The following LRRN2 variants were observed in gnomAD, a reference collection of about 807,000 sequenced individuals.
The protein encoded by LRRN2 is leucine-rich repeat neuronal protein 2.
In LRRN2, 10 loss-of-function variants were observed where a neutral mutation model predicts 35.7. That is an observed-to-expected ratio of 0.28 (90% CI 0.17 to 0.47). The LOEUF (loss-of-function observed/expected upper bound fraction) is 0.47. Ranked by LOEUF, LRRN2 falls within the 20% of genes least tolerant of loss-of-function variation. The pLI is 0.99. For missense variants in LRRN2, 731 were observed against 940.3 expected (o/e 0.78, Z 2.91); for synonymous variants, 391 against 409.6 (o/e 0.95, Z 0.55).
chr1:204,681,043 G>A (rs1162214135), intron 1 of LRRN2, among the ~76,000 whole-genome samples: 2 of 150,760 alleles, frequency 1.3e-5, no homozygotes, highest in African/African-American at 2.4e-5. Flanking sequence ...TACAATCTCC[G>A]CCACCTGGGT....
At chr1:204,671,975 C>G (rs1253779542) in intron 1 of LRRN2, among the ~76,000 whole-genome samples, 1 of 152,206 alleles carries the variant, frequency 6.6e-6, no homozygotes, top group Non-Finnish European at 1.5e-5. Context: ...TCACTAATCT[C>G]ACCCAGGATG....
Position 204,619,804 on chromosome 1 carries a change from G to T in LRRN2, c.189C>A (p.Val63=), listed in dbSNP as rs199503004. Residue 63 remains valine, a synonymous_variant, in exon 2 of 2, where the codon GTC becomes GTA. Coordinates refer to ENST00000367177, the MANE Select transcript of LRRN2 (RefSeq NM_201630.2). The part of the protein sequence containing the change: ...VDCNDLFLTA[V]PPALPAGTQT... ...GTGTGCCTGCGGGGAGTGCCGGGGG[G>T]ACTGCCGTCAGGAATAGGTCATTGC... 2 of 1,614,070 alleles carry T rather than the reference G, an allele frequency of 1.2e-6. No individual in the cohort carries two copies. The highest frequency in any genetic ancestry group is 2.2e-5 in the East Asian group (1 of 44,876).
chr1:204,630,664 C>T (rs964558366), intron 1 of LRRN2, among the ~76,000 whole-genome samples: 1 of 152,082 alleles, frequency 6.6e-6, no homozygotes, highest in African/African-American at 2.4e-5. Context: ...CCTGTCCGTC[C>T]TGGCCACCTC....
At chr1:204,623,840 T>C (rs1667107088) in intron 1 of LRRN2, among the ~76,000 whole-genome samples, 2 of 152,194 alleles carry the variant, frequency 1.3e-5, no homozygotes, top group African/African-American at 4.8e-5. Flanking sequence ...TAGCAGGTGC[T>C]TGAGAGTTGC....
chr1:204,626,075 G>A (rs12095735), intron 1 of LRRN2, among the ~76,000 whole-genome samples: 1,725 of 152,150 alleles, frequency 0.011, 46 homozygotes, highest in African/African-American at 0.039. Flanking sequence ...AGGAAGGAGG[G>A]GCCCAGACCT....
intron 1 of LRRN2, among the ~76,000 whole-genome samples, chr1:204,637,269 A>G (rs967633222): frequency 1.3e-5 from 2 of 152,262 alleles, no homozygotes; most frequent in African/African-American, 4.8e-5. Flanking sequence ...TGCCGTCCAC[A>G]TGTGAAAGAA....
intron 1 of LRRN2, among the ~76,000 whole-genome samples, chr1:204,652,282 G>A (rs1264017424): frequency 4.4e-4 from 10 of 22,974 alleles, no homozygotes; most frequent in Admixed American, 2.4e-3. Context: ...CCCCCCCGCC[G>A]CCTTCCTCCT....
chr1:204,643,878 C>G (rs1315123424), intron 1 of LRRN2, among the ~76,000 whole-genome samples: 1 of 152,180 alleles, frequency 6.6e-6, no homozygotes, highest in Admixed American at 6.5e-5. Flanking sequence ...GAGTTCAAAT[C>G]CTGCCCTGGC....
intron 1 of LRRN2, among the ~76,000 whole-genome samples, chr1:204,641,283 CT>C (rs1218077311): frequency 6.6e-6 from 1 of 152,178 alleles, no homozygotes; most frequent in African/African-American, 2.4e-5. Flanking sequence ...CTCATCTTTT[CT>C]TTTAAAAATC....
chr1:204,622,940 A>G (rs1667021958), intron 1 of LRRN2, among the ~76,000 whole-genome samples: 1 of 152,208 alleles, frequency 6.6e-6, no homozygotes, highest in Admixed American at 6.5e-5. Flanking sequence ...GCACACAGAA[A>G]GAACTGGACA....
At chr1:204,632,775 C>CA (rs978070303) in intron 1 of LRRN2, among the ~76,000 whole-genome samples, 29 of 150,434 alleles carry the variant, frequency 1.9e-4, no homozygotes, top group Admixed American at 9.9e-4. Context: ...ACTAAAAATA[C>CA]AAAAAAAAAT....
rs1666586069 is a variant in LRRN2, at chr1:204,618,680, C to T, written c.1313G>A (p.Gly438Glu). 1.2e-6 allele frequency: 2 copies of T among 1,600,428 alleles called. No individual in the cohort carries two copies. The highest frequency in any genetic ancestry group is 1.7e-6 in the Non-Finnish European group (2 of 1,172,252). The change falls in exon 2 of 2, where the codon GGA becomes GAA. Residue 438 changes from glycine to glutamate, a missense_variant. This residue lies in a region of LRRN2 where 256 missense variants were observed against 392.4 expected (regional missense o/e 0.65). Transcript: ENST00000367177. ...SFPPSLQVAS[G>E]ESMVLHCRAL... ...CCGGCAATGCAGCACCATGCTCTCT[C>T]CACTGGCTACCTGGAGGCTTGGGGG...
chr1:204,682,637 C>G (rs1668979361), intron 1 of LRRN2, among the ~76,000 whole-genome samples: 1 of 152,214 alleles, frequency 6.6e-6, no homozygotes, highest in Non-Finnish European at 1.5e-5. Flanking sequence ...TAATGTTCCT[C>G]ACATAGACTG....
At chr1:204,638,969 G>T (rs1036848356) in intron 1 of LRRN2, among the ~76,000 whole-genome samples, 1 of 152,202 alleles carries the variant, frequency 6.6e-6, no homozygotes, top group African/African-American at 2.4e-5. Flanking sequence ...CCCTGAGATG[G>T]CCATCGCCTG....
At chr1:204,666,582 G>A (rs1386661827) in intron 1 of LRRN2, among the ~76,000 whole-genome samples, 3 of 152,142 alleles carry the variant, frequency 2.0e-5, no homozygotes, top group Admixed American at 6.5e-5. Context: ...TCCCTATCAT[G>A]TTATACTACA....
At chr1:204,631,256 C>CTATATATATATATATATATATATA (rs1162626713) in intron 1 of LRRN2, among the ~76,000 whole-genome samples, 1 of 36,910 alleles carries the variant, frequency 2.7e-5, no homozygotes, top group African/African-American at 9.6e-5. Context: ...CTAGAGTGTT[C>CTATATATATATATATATATATATA]TATATATATA....
At position 204,618,295 on chromosome 1, in the gene LRRN2, G is replaced by A. The variant is rs1211354703; in HGVS notation, c.1698C>T (p.Gly566=). Residue 566 remains glycine, a synonymous_variant, in exon 2 of 2, where the codon GGC becomes GGT. Coordinates refer to ENST00000367177, the MANE Select transcript of LRRN2 (RefSeq NM_201630.2). ...GGCGGGCCAGAGCTGTGGCCCCCTGGCCCCGGAGGGAGGAGGCACTGGACC... is the reference window on the plus strand; with the variant it reads ...GGCGGGCCAGAGCTGTGGCCCCCTGACCCCGGAGGGAGGAGGCACTGGACC... ...LTWSSASSLR[G]QGATALARLP... 6.3e-7 allele frequency: 1 copy of A among 1,599,140 alleles called. No individual in the cohort carries two copies. Among genetic ancestry groups the A allele is most frequent in the African/African-American group, 1.3e-5 (1 of 74,766 alleles).
chr1:204,642,465 C>T (rs551210178), intron 1 of LRRN2, among the ~76,000 whole-genome samples: 3 of 152,306 alleles, frequency 2.0e-5, no homozygotes, highest in Admixed American at 6.5e-5. Flanking sequence ...GCCTGCCTCC[C>T]GGCTCTGCGC....
Position 204,618,569 on chromosome 1 carries a change from C to T in LRRN2, c.1424G>A (p.Arg475Gln), listed in dbSNP as rs558201537. Residue 475 changes from arginine to glutamine, a missense_variant, in exon 2 of 2, where the codon CGG becomes CAG. Transcript: ENST00000367177. Reference protein sequence around the residue: ...LTPAHAGRRYRVYPEGTLELR... With the variant: ...LTPAHAGRRYQVYPEGTLELR... ...CTCCAGGGTCCCCTCGGGGTACACC[C>T]GGTACCTCCTGCCTGCATGGGCAGG... is the stretch of plus-strand genomic sequence containing the variant. The T allele has an allele frequency of 2.5e-5, 40 of 1,614,040 alleles. No individual in the cohort carries two copies. Among genetic ancestry groups the T allele is most frequent in the East Asian group, 6.7e-5 (3 of 44,872 alleles).
Sources: gnomAD v4.1 joint callset for allele counts (sites outside exome capture counted in the v4.1 genomes callset) on GRCh38, gnomAD v4.1.1 for gene constraint, gnomAD v4.1.1 regional missense constraint, MANE v1.5 for transcripts, NCBI Gene and HGNC (gene_info 2026-07-23, HGNC 2026-07-21) for gene names.